Variants in PDZD8 observed in about 807,000 individuals in gnomAD.
PDZD8 encodes PDZ domain-containing protein 8.
In PDZD8, 14 loss-of-function variants were observed where a neutral mutation model predicts 85.8. That is an observed-to-expected ratio of 0.16 (90% confidence interval 0.11 to 0.26). PDZD8 has a LOEUF of 0.26. PDZD8 is among the 10% of genes least tolerant of loss of function. The pLI is 1.00. For missense variants in PDZD8, 1,197 were observed against 1,424.3 expected (o/e 0.84, Z 2.57); for synonymous variants, 592 against 568.6 (o/e 1.04, Z -0.59).
rs1554854832 is a variant in PDZD8, at chr10:117,333,117, C to CAAAAAAAAAACA, written c.995+7862_995+7863insTGTTTTTTTTTT. Among the ~76,000 whole-genome samples the CAAAAAAAAAACA allele has an allele frequency of 1.4e-3, 10 of 7,260 alleles. 1 individual carries two copies. Among genetic ancestry groups the CAAAAAAAAAACA allele is most frequent in the African/African-American group, 2.2e-3 (9 of 4,166 alleles). The allele number at this position is 7,260 out of a possible 152,430, so 4.8% of individuals were successfully genotyped here. ...CTGGACAGCAGAGTGGACTCTGTCTCAAAAAAAAAAAAAAAAAAAAAAAAA... is the reference window on the plus strand; with the variant it reads ...CTGGACAGCAGAGTGGACTCTGTCTCAAAAAAAAAACAAAAAAAAAAAAAAAAAAAAAAAAAA... On this transcript the variant is annotated intron_variant, in intron 2 of 4. Transcript: ENST00000334464.
At chr10:117,339,696 T>C (rs1377396928) in intron 2 of PDZD8, among the ~76,000 whole-genome samples, 1 of 152,246 alleles carries the variant, frequency 6.6e-6, no homozygotes, top group East Asian at 1.9e-4. Context: ...ACTGCTTCTG[T>C]ACTGCAAGGC....
At chr10:117,317,679 T>C (rs1363840154) in intron 3 of PDZD8, among the ~76,000 whole-genome samples, 1 of 152,206 alleles carries the variant, frequency 6.6e-6, no homozygotes, top group African/African-American at 2.4e-5. Context: ...TGCTTCTTCA[T>C]GTAGTTATGT....
chr10:117,302,962 G>A (rs11197945), intron 3 of PDZD8, among the ~76,000 whole-genome samples: 16,014 of 152,176 alleles, frequency 0.11, 1,136 homozygotes, highest in East Asian at 0.34. Flanking sequence ...CCCAGTCTCA[G>A]GTATGCCTTT....
chr10:117,355,407 C>T (rs562922678), intron 1 of PDZD8, among the ~76,000 whole-genome samples: 125 of 152,290 alleles, frequency 8.2e-4, no homozygotes, highest in African/African-American at 2.8e-3. Context: ...CTGTCTCCAT[C>T]TTTCTAGCTT....
At chr10:117,316,425 C>A (rs1844130097) in intron 3 of PDZD8, among the ~76,000 whole-genome samples, 1 of 152,160 alleles carries the variant, frequency 6.6e-6, no homozygotes, top group South Asian at 2.1e-4. Flanking sequence ...TTAATCCCAG[C>A]ACTTTGGGAG....
intron 3 of PDZD8, among the ~76,000 whole-genome samples, chr10:117,295,027 C>T (rs932972983): frequency 1.3e-4 from 20 of 152,010 alleles, no homozygotes; most frequent in Non-Finnish European, 2.5e-4. Flanking sequence ...GAAATGTTTG[C>T]GGTGATGGCT....
chr10:117,318,852 T>C lies in PDZD8; in HGVS notation c.1098+20A>G. The stretch of plus-strand genomic sequence containing the variant: ...AAATAGAACTTTATATAGATATAAA[T>C]CACTGTAAATCCATTTTACCGTCTT... On this transcript the variant is annotated intron_variant, in intron 3 of 4. Coordinates refer to ENST00000334464, the MANE Select transcript of PDZD8 (RefSeq NM_173791.5). 3.4e-6 allele frequency: 5 copies of C among 1,487,514 alleles called. No homozygotes were observed. The highest frequency in any genetic ancestry group is 4.7e-6 in the Non-Finnish European group (5 of 1,068,600). 92.1% of individuals were successfully genotyped at this position (1,487,514 alleles called of 1,614,324 possible). A position where few individuals can be genotyped will look rare whatever the true frequency, so the allele number is the denominator to read the frequency against.
rs1037113391 is a variant in PDZD8 at position 117,308,572 on chromosome 10, T to C, written c.1098+10300A>G. Among the ~76,000 whole-genome samples, 3 of 152,218 alleles carry C rather than the reference T, an allele frequency of 2.0e-5. No individual in the cohort carries two copies. The East Asian group carries it at 5.8e-4, about 29-fold the overall frequency. ...AAGGCAGTTACTATTACCTCTACTG[T>C]AGAGATTATGAAATACCTTGCTCAT... is the stretch of plus-strand genomic sequence containing the variant. On this transcript the variant is annotated intron_variant, in intron 3 of 4. Transcript: ENST00000334464.
intron 2 of PDZD8, among the ~76,000 whole-genome samples, chr10:117,323,349 C>T (rs1844260265): frequency 6.6e-6 from 1 of 152,202 alleles, no homozygotes; most frequent in South Asian, 2.1e-4. Flanking sequence ...ATAAGACTGG[C>T]TTCACTACTA....
chr10:117,333,143 A>AAAAAAAAAG (rs1844458934), intron 2 of PDZD8, among the ~76,000 whole-genome samples: 2 of 148,886 alleles, frequency 1.3e-5, no homozygotes, highest in Non-Finnish European at 3.0e-5. Context: ...AAAAAAAAAA[A>AAAAAAAAAG]GGGGATATGG....
At chr10:117,301,000 C>CT (rs901297875) in intron 3 of PDZD8, among the ~76,000 whole-genome samples, 2 of 151,730 alleles carry the variant, frequency 1.3e-5, no homozygotes, top group East Asian at 1.9e-4. Flanking sequence ...TCATTTTTTT[C>CT]TTTTTTTTGA....
rs1425162310 is a variant in PDZD8, at chr10:117,375,434, C to T, written c.-207G>A. ...CGCCTCCTCAGACGCTCCCGAAGGG[C>T]CGGTGTGGCGGCGGCGGCAGCGGGG... On this transcript the variant is annotated 5_prime_UTR_variant, in exon 1 of 5. Transcript: ENST00000334464. 4 of 257,990 alleles carry T rather than the reference C, an allele frequency of 1.6e-5. No individual in the cohort carries two copies. The highest frequency in any genetic ancestry group is 2.9e-5 in the Non-Finnish European group (4 of 139,274). 16.0% of individuals were successfully genotyped at this position (257,990 alleles called of 1,614,324 possible). A position where few individuals can be genotyped will look rare whatever the true frequency, so the allele number is the denominator to read the frequency against.
chr10:117,291,150 A>T (rs1278237426), intron 3 of PDZD8, among the ~76,000 whole-genome samples: 1 of 151,962 alleles, frequency 6.6e-6, no homozygotes, highest in Non-Finnish European at 1.5e-5. Flanking sequence ...CTAGGATTAA[A>T]GGCGTGAGCC....
intron 2 of PDZD8, among the ~76,000 whole-genome samples, chr10:117,319,392 AACACACAC>A (rs199983551): frequency 0.041 from 4,165 of 101,786 alleles, 86 homozygotes; most frequent in East Asian, 0.1. Flanking sequence ...ATTGCTCATA[AACACACAC>A]ACACACACAC....
In PDZD8 at chr10:117,375,189, C is replaced by T. The variant is rs1845281523; in HGVS notation, c.39G>A (p.Leu13=). 1 of 1,567,476 alleles carries T rather than the reference C, an allele frequency of 6.4e-7. No individual in the cohort carries two copies. The highest frequency in any genetic ancestry group is 1.4e-5 in the African/African-American group (1 of 73,724). The change falls in exon 1 of 5, where the codon CTG becomes CTA. Residue 13 remains leucine, a synonymous_variant. Coordinates refer to ENST00000334464, the MANE Select transcript of PDZD8 (RefSeq NM_173791.5). ...LLLMILASAV[L]GSFLTLLAQF... ...GGGCGAGGAGCGTGAGGAAGGAACCCAGCACGGCCGACGCCAGGATCATGA... is the reference window on the plus strand; with the variant it reads ...GGGCGAGGAGCGTGAGGAAGGAACCTAGCACGGCCGACGCCAGGATCATGA...
chr10:117,372,670 G>A (rs1845214205), intron 1 of PDZD8, among the ~76,000 whole-genome samples: 1 of 152,122 alleles, frequency 6.6e-6, no homozygotes, highest in South Asian at 2.1e-4. Flanking sequence ...GTTAAAAGTA[G>A]GTTTCATAAA....
chr10:117,326,068 A>G (rs1844311548), intron 2 of PDZD8, among the ~76,000 whole-genome samples: 1 of 151,998 alleles, frequency 6.6e-6, no homozygotes, highest in Non-Finnish European at 1.5e-5. Context: ...TTCCCCTTCC[A>G]CTATGATTCT....
intron 3 of PDZD8, among the ~76,000 whole-genome samples, chr10:117,296,594 G>A (rs1197239594): frequency 6.6e-6 from 1 of 152,118 alleles, no homozygotes; most frequent in Non-Finnish European, 1.5e-5. Flanking sequence ...TCAAGACAGC[G>A]TGGTATTGGT....
chr10:117,291,870 C>T (rs1452649479), intron 3 of PDZD8, among the ~76,000 whole-genome samples: 1 of 128,362 alleles, frequency 7.8e-6, no homozygotes, highest in African/African-American at 2.8e-5. Flanking sequence ...AAAAAAAAAA[C>T]AGGCAGAGTG....
Sources: gnomAD v4.1 joint callset for allele counts (sites outside exome capture counted in the v4.1 genomes callset) on GRCh38, gnomAD v4.1.1 for gene constraint, MANE v1.5 for transcripts, NCBI Gene and HGNC (gene_info 2026-07-23, HGNC 2026-07-21) for gene names.